CACNA1C: variants seen among roughly 807,000 people sequenced by gnomAD.
CACNA1C encodes the protein voltage-dependent L-type calcium channel subunit alpha-1C.
A neutral mutation model predicts 229.0 loss-of-function variants in CACNA1C; 30 were observed. That is an observed-to-expected ratio of 0.13 (90% confidence interval 0.10 to 0.18). The LOEUF is 0.18. Among genes scored for constraint, CACNA1C ranks in the 10% least tolerant of loss-of-function variants. The pLI is 1.00. For synonymous variants in CACNA1C, 1,114 were observed against 1,132.5 expected, an observed-to-expected ratio of 0.98 and a Z score of 0.33; for missense variants, 1,658 against 2,845.0, an observed-to-expected ratio of 0.58 and a Z score of 9.49.
intron 5 of CACNA1C, among the ~76,000 whole-genome samples, chr12:2,478,127 CACCCATGG>C (rs1478245471): frequency 6.6e-6 from 1 of 152,110 alleles, no homozygotes; most frequent in Non-Finnish European, 1.5e-5. Context: ...AGAGAAGCTC[CACCCATGG>C]ACACAGCTCA....
chr12:2,158,819 G>C (rs902362408), intron 3 of CACNA1C, among the ~76,000 whole-genome samples: 1 of 152,198 alleles, frequency 6.6e-6, no homozygotes, highest in Non-Finnish European at 1.5e-5. Context: ...ACCATGAGGA[G>C]GGAGTAAACC....
At chr12:1,979,354 G>A (rs1200400474) in intron 1 of CACNA1C, among the ~76,000 whole-genome samples, 2 of 150,222 alleles carry the variant, frequency 1.3e-5, no homozygotes, top group Non-Finnish European at 3.0e-5. Context: ...TGGCTTCATC[G>A]CCCAGGCTGG....
chr12:2,416,283 G>A (rs372236200), intron 3 of CACNA1C, among the ~76,000 whole-genome samples: 10 of 151,820 alleles, frequency 6.6e-5, no homozygotes, highest in East Asian at 3.9e-4. Context: ...ACTCTATTTC[G>A]TGGGCCTGGA....
chr12:2,439,405 A>C (rs566737477), intron 3 of CACNA1C, among the ~76,000 whole-genome samples: 1 of 152,186 alleles, frequency 6.6e-6, no homozygotes, highest in Non-Finnish European at 1.5e-5. Context: ...GGGTGTGCAA[A>C]TCTACCGCAT....
At chr12:1,996,972 C>T (rs186489367) in intron 1 of CACNA1C, among the ~76,000 whole-genome samples, 5 of 152,212 alleles carry the variant, frequency 3.3e-5, no homozygotes, top group African/African-American at 9.6e-5. Context: ...ATCTTTGTAC[C>T]CTCATTGAAG....
intron 1 of CACNA1C, among the ~76,000 whole-genome samples, chr12:2,069,621 C>T (rs2060500707): frequency 1.3e-5 from 2 of 152,302 alleles, no homozygotes; most frequent in East Asian, 3.9e-4. Context: ...TTTAATTTTC[C>T]CATGTCTAGG....
rs1477062635 is a variant in CACNA1C, at chr12:2,654,115, C to T, written c.4140+215C>T. 6.6e-6 allele frequency among the ~76,000 whole-genome samples: 1 copy of T among 152,156 alleles called. No homozygotes were observed. The highest frequency in any genetic ancestry group is 1.5e-5 in the Non-Finnish European group (1 of 68,042). On this transcript the variant is annotated intron_variant, in intron 33 of 46. Transcript: ENST00000399655. The surrounding 1 kb of genome is among the most constrained non-coding windows in gnomAD (Gnocchi z 4.4). The stretch of plus-strand genomic sequence containing the variant: ...TAGGTAGCAGGAGAATGTCCCGGTA[C>T]AGAATACACAGCCCAGAGAGCCTCC...
chr12:2,591,583 A>C (rs191199299), intron 18 of CACNA1C, among the ~76,000 whole-genome samples: 4 of 152,256 alleles, frequency 2.6e-5, no homozygotes, highest in East Asian at 1.9e-4. Flanking sequence ...GGAGGATGCT[A>C]TCTGGATTGG....
At chr12:2,267,354 G>GTTTTTATTTGTGTAAATTAT (rs2082775758) in intron 3 of CACNA1C, among the ~76,000 whole-genome samples, 1 of 152,150 alleles carries the variant, frequency 6.6e-6, no homozygotes, top group African/African-American at 2.4e-5. Context: ...GAGGTCAGGA[G>GTTTTTATTTGTGTAAATTAT]AGGTTAAGTG....
intron 3 of CACNA1C, among the ~76,000 whole-genome samples, chr12:2,331,572 C>T (rs2154514610): frequency 6.6e-6 from 1 of 152,328 alleles, no homozygotes; most frequent in South Asian, 2.1e-4. Context: ...ACATTAACAG[C>T]TTAAATAAGA....
chr12:2,378,273 C>T (rs1447079335), intron 3 of CACNA1C, among the ~76,000 whole-genome samples: 1 of 152,182 alleles, frequency 6.6e-6, no homozygotes, highest in Non-Finnish European at 1.5e-5. Context: ...AGAGGAACAG[C>T]TTCCAGGAGA....
intron 8 of CACNA1C, among the ~76,000 whole-genome samples, chr12:2,511,481 T>G (rs962272272): frequency 2.0e-5 from 3 of 152,068 alleles, no homozygotes; most frequent in Non-Finnish European, 4.4e-5. Context: ...CCAAGGTGCT[T>G]CCAGCAGCCT....
At chr12:2,174,160 A>G (rs2096576540) in intron 3 of CACNA1C, among the ~76,000 whole-genome samples, 1 of 152,070 alleles carries the variant, frequency 6.6e-6, no homozygotes, top group South Asian at 2.1e-4. Context: ...GGAAAAGGGA[A>G]GTGGTATCCC....
intron 3 of CACNA1C, among the ~76,000 whole-genome samples, chr12:2,162,438 A>G (rs920611936): frequency 1.3e-5 from 2 of 151,990 alleles, no homozygotes; most frequent in Non-Finnish European, 1.5e-5. Flanking sequence ...GGAAATAGCA[A>G]GCAAAGTTCA....
chr12:2,526,568 C>A (rs926456345), intron 9 of CACNA1C, among the ~76,000 whole-genome samples: 37 of 152,250 alleles, frequency 2.4e-4, no homozygotes, highest in Admixed American at 1.6e-3. Context: ...AGGCCATAAA[C>A]TCTCCTCCTC....
At chr12:2,347,593 C>G (rs1178478429) in intron 3 of CACNA1C, among the ~76,000 whole-genome samples, 1 of 152,238 alleles carries the variant, frequency 6.6e-6, no homozygotes. Flanking sequence ...AGGAACACCG[C>G]TCCAGGACCA....
chr12:2,458,986 T>C (rs1226772333), intron 5 of CACNA1C, among the ~76,000 whole-genome samples: 10 of 134,692 alleles, frequency 7.4e-5, no homozygotes, highest in Middle Eastern at 3.9e-3. Context: ...TCTTTCTTTT[T>C]TTTTTTTTTT....
At chr12:2,119,469 A>G (rs1399115702) in intron 2 of CACNA1C, among the ~76,000 whole-genome samples, 4 of 152,136 alleles carry the variant, frequency 2.6e-5, no homozygotes, top group African/African-American at 9.7e-5. Context: ...GGGTATTATC[A>G]CATTAGCTCA....
At chr12:1,979,591 C>T (rs1485020952) in intron 1 of CACNA1C, among the ~76,000 whole-genome samples, 3 of 152,262 alleles carry the variant, frequency 2.0e-5, no homozygotes, top group Non-Finnish European at 2.9e-5. Flanking sequence ...GGATTACAGG[C>T]GTGAGCCACC....
Sources: gnomAD v4.1 joint callset for allele counts (sites outside exome capture counted in the v4.1 genomes callset) on GRCh38, gnomAD v4.1.1 for gene constraint, Gnocchi (gnomAD v3.1) non-coding constraint, MANE v1.5 for transcripts, NCBI Gene and HGNC (gene_info 2026-07-23, HGNC 2026-07-21) for gene names.